The following BASP1 variants were observed in gnomAD, a reference collection of about 807,000 sequenced individuals.
BASP1 encodes brain abundant membrane attached signal protein 1.
A neutral mutation model predicts 2.2 loss-of-function variants in BASP1; 1 was observed. That is an observed-to-expected ratio of 0.46 (90% confidence interval 0.16 to 2.17). The LOEUF (loss-of-function observed/expected upper bound fraction) is 2.17, where lower values mean the gene tolerates loss of function less well. BASP1 is among the 30% of genes most tolerant of loss of function. The probability of loss-of-function intolerance (pLI) is 0.27; values close to 1 mark genes in which losing one functional copy is unlikely to be tolerated. For missense variants in BASP1, 352 were observed against 327.2 expected, an observed-to-expected ratio of 1.08 and a Z score of -0.58; for synonymous variants, 187 against 154.2, an observed-to-expected ratio of 1.21 and a Z score of -1.58.
intron 1 of BASP1, among the ~76,000 whole-genome samples, chr5:17,218,722 C>A (rs1001255924): frequency 2.1e-4 from 32 of 152,060 alleles, no homozygotes; most frequent in African/African-American, 7.5e-4. Flanking sequence ...TGAAACCCGG[C>A]GCCCGGTTCC....
At chr5:17,247,237 G>A (rs1386580178) in intron 1 of BASP1, among the ~76,000 whole-genome samples, 1 of 152,180 alleles carries the variant, frequency 6.6e-6, no homozygotes, top group Non-Finnish European at 1.5e-5. Flanking sequence ...ATTTCTGAAA[G>A]CAAGGTTTGT....
chr5:17,257,259 T>C (rs141295735), intron 1 of BASP1, among the ~76,000 whole-genome samples: 22 of 152,314 alleles, frequency 1.4e-4, no homozygotes, highest in Non-Finnish European at 2.2e-4. Flanking sequence ...CTACAGATTA[T>C]ATAACAGATA....
At chr5:17,246,709 G>C (rs1739998747) in intron 1 of BASP1, among the ~76,000 whole-genome samples, 1 of 152,208 alleles carries the variant, frequency 6.6e-6, no homozygotes, top group Non-Finnish European at 1.5e-5. Flanking sequence ...TTTGTAACTT[G>C]AAGAAATCTG....
intron 1 of BASP1, among the ~76,000 whole-genome samples, chr5:17,255,875 C>T (rs969598450): frequency 6.6e-6 from 1 of 152,156 alleles, no homozygotes; most frequent in Non-Finnish European, 1.5e-5. Flanking sequence ...AATGCTGTCA[C>T]CAGTATATTT....
intron 1 of BASP1, among the ~76,000 whole-genome samples, chr5:17,250,284 A>G (rs1740075575): frequency 1.3e-5 from 2 of 152,128 alleles, no homozygotes; most frequent in African/African-American, 4.8e-5. Flanking sequence ...TTGACTTTAA[A>G]AGGTCGCTTT....
At chr5:17,245,765 A>G (rs1159723087) in intron 1 of BASP1, among the ~76,000 whole-genome samples, 1 of 152,156 alleles carries the variant, frequency 6.6e-6, no homozygotes, top group Non-Finnish European at 1.5e-5. Flanking sequence ...AGAAAGGGAT[A>G]AAAGAAAGAT....
chr5:17,223,867 T>G (rs1739437740), intron 1 of BASP1, among the ~76,000 whole-genome samples: 1 of 152,198 alleles, frequency 6.6e-6, no homozygotes, highest in African/African-American at 2.4e-5. Flanking sequence ...AACTTAGGTA[T>G]TTTACATTCC....
chr5:17,249,262 C>A (rs1410765334), intron 1 of BASP1, among the ~76,000 whole-genome samples: 2 of 152,118 alleles, frequency 1.3e-5, no homozygotes, highest in Non-Finnish European at 2.9e-5. Flanking sequence ...AGTCTTCCTG[C>A]AGCCTTCTTG....
chr5:17,275,222 A>G lies in BASP1; in HGVS notation c.6A>G (p.Gly2=), dbSNP rs777782441. The G allele has an allele frequency of 4.3e-6, 7 of 1,612,842 alleles. No homozygotes were observed. In the South Asian group the frequency reaches 7.7e-5, roughly 18 times the overall value. ...TTTGCTTCCAGAACTCCAAGATGGG[A>G]GGCAAGCTCAGCAAGAAGAAGAAGG... The part of the protein sequence containing the change: M[G]GKLSKKKKGY... The change falls in exon 2 of 2, where the codon GGA becomes GGG. Residue 2 remains glycine, a synonymous_variant. Transcript: ENST00000322611. The surrounding 1 kb of genome is among the most constrained non-coding windows in gnomAD (Gnocchi z 5.3).
intron 1 of BASP1, among the ~76,000 whole-genome samples, chr5:17,262,296 A>G (rs1335910574): frequency 6.6e-6 from 1 of 152,108 alleles, no homozygotes; most frequent in Non-Finnish European, 1.5e-5. Flanking sequence ...AACACTTTGC[A>G]TTTACCCATC....
rs188176058 is a variant in BASP1, at chr5:17,275,996, C to A, written c.*96C>A. The A allele has an allele frequency of 2.6e-4, 279 of 1,085,744 alleles. No homozygotes were observed. Among genetic ancestry groups the A allele is most frequent in the Admixed American group, 2.0e-3 (60 of 29,320 alleles). The allele number at this position is 1,085,744 out of a possible 1,614,324, so 67.3% of individuals were successfully genotyped here. A position where few individuals can be genotyped will look rare whatever the true frequency, so the allele number is the denominator to read the frequency against. The stretch of plus-strand genomic sequence containing the variant: ...ATCTCTCTCTCTATCTCCTCTCTCT[C>A]TCTCCTCTCCTATCTCTCCTCTCTC... On this transcript the variant is annotated 3_prime_UTR_variant, in exon 2 of 2. Transcript: ENST00000322611. The surrounding 1 kb of genome is among the most constrained non-coding windows in gnomAD (Gnocchi z 5.3).
chr5:17,249,753 T>C (rs1215238911), intron 1 of BASP1, among the ~76,000 whole-genome samples: 1 of 152,184 alleles, frequency 6.6e-6, no homozygotes, highest in African/African-American at 2.4e-5. Flanking sequence ...TTATCTATCT[T>C]TGCATCTTCC....
At chr5:17,256,272 T>A (rs1740208172) in intron 1 of BASP1, among the ~76,000 whole-genome samples, 1 of 152,250 alleles carries the variant, frequency 6.6e-6, no homozygotes, top group African/African-American at 2.4e-5. Flanking sequence ...GTAGTTTATT[T>A]GTTAAAATTG....
Position 17,275,979 on chromosome 5 carries a change from C to A in BASP1, c.*79C>A. 1 of 1,259,094 alleles carries A rather than the reference C, an allele frequency of 7.9e-7. No individual in the cohort carries two copies. Among genetic ancestry groups the A allele is most frequent in the Non-Finnish European group, 1.1e-6 (1 of 940,308 alleles). The allele number at this position is 1,259,094 out of a possible 1,614,324, so 78.0% of individuals were successfully genotyped here. A position where few individuals can be genotyped will look rare whatever the true frequency, so the allele number is the denominator to read the frequency against. On this transcript the variant is annotated 3_prime_UTR_variant, in exon 2 of 2. Transcript: ENST00000322611. The surrounding 1 kb of genome is among the most constrained non-coding windows in gnomAD (Gnocchi z 5.3). ...TCTCTCTCTCTCTCTCTATCTCTCTCTCTATCTCCTCTCTCTCTCTCCTCT... is the reference window on the plus strand; with the variant it reads ...TCTCTCTCTCTCTCTCTATCTCTCTATCTATCTCCTCTCTCTCTCTCCTCT...
chr5:17,261,437 A>G (rs1456229681), intron 1 of BASP1, among the ~76,000 whole-genome samples: 1 of 152,264 alleles, frequency 6.6e-6, no homozygotes, highest in Non-Finnish European at 1.5e-5. Context: ...AAATGACTGC[A>G]GAATGAAATA....
rs377525273 is a variant in BASP1 at position 17,275,716 on chromosome 5, C to T, written c.500C>T (p.Ala167Val). 2 of 1,608,320 alleles carry T rather than the reference C, an allele frequency of 1.2e-6. No individual in the cohort carries two copies. The highest frequency in any genetic ancestry group is 3.4e-5 in the Admixed American group (2 of 59,336). ...GCCCAGGAGACCAAAAGTGACGGGG[C>T]CCCAGCTTCAGACTCAAAACCCGGC... ...PAAQETKSDG[A>V]PASDSKPGSS... is the part of the protein sequence containing the mutation. Residue 167 changes from alanine to valine, a missense_variant, in exon 2 of 2, where the codon GCC becomes GTC. Transcript: ENST00000322611. This position sits in a 1 kb window ranked among gnomAD's most constrained non-coding sequence, Gnocchi z 5.3.
At chr5:17,257,096 G>T (rs988168573) in intron 1 of BASP1, among the ~76,000 whole-genome samples, 5 of 152,072 alleles carry the variant, frequency 3.3e-5, no homozygotes, top group Non-Finnish European at 7.4e-5. Context: ...ACATTTTGAG[G>T]CTCATTCTCC....
Position 17,236,088 on chromosome 5 carries a change from G to C in BASP1, c.-10+18278G>C, listed in dbSNP as rs1171819214. Reference sequence around the variant, plus strand: ...TTAGCGTATTTTATGTGTGGCCCAAGACAATTCTTCCAGTGTGGCCCAGGG... The same window carrying C: ...TTAGCGTATTTTATGTGTGGCCCAACACAATTCTTCCAGTGTGGCCCAGGG... On this transcript the variant is annotated intron_variant, in intron 1 of 1. Coordinates refer to ENST00000322611, the MANE Select transcript of BASP1 (RefSeq NM_006317.5). This position sits in a 1 kb window ranked among gnomAD's most constrained non-coding sequence, Gnocchi z 4.0. Among the ~76,000 whole-genome samples, 1 of 151,980 alleles carries C rather than the reference G, an allele frequency of 6.6e-6. No homozygotes were observed. Among genetic ancestry groups the C allele is most frequent in the Non-Finnish European group, 1.5e-5 (1 of 67,990 alleles).
At chr5:17,217,404 G>A (rs1314020986), upstream of BASP1, among the ~76,000 whole-genome samples, 12 of 7,194 alleles carry the variant, frequency 1.7e-3, no homozygotes, top group African/African-American at 2.9e-3. Flanking sequence ...GTCTGCGCCG[G>A]AGGAGGGGAG....
Sources: allele counts gnomAD v4.1 joint callset (sites outside exome capture counted in the v4.1 genomes callset), GRCh38; gene constraint gnomAD v4.1.1; non-coding constraint Gnocchi (gnomAD v3.1); transcripts MANE v1.5; gene names NCBI Gene and HGNC (gene_info 2026-07-23, HGNC 2026-07-21).